ANKDD1A: variants seen among roughly 807,000 people sequenced by gnomAD.
The protein encoded by ANKDD1A is ankyrin repeat and death domain containing 1A.
Under a neutral mutation model 63.5 loss-of-function variants are expected in ANKDD1A, and 59 were observed. The observed-to-expected ratio is 0.93, with a 90% CI of 0.75 to 1.15. The LOEUF is 1.15. ANKDD1A is among the 50% of genes most tolerant of loss of function. ANKDD1A has a pLI of 0.00. For synonymous variants in ANKDD1A, 266 were observed against 263.9 expected (o/e 1.01, Z -0.08); for missense variants, 632 against 656.4 (o/e 0.96, Z 0.41).
rs1333562192 is a variant in ANKDD1A at position 64,957,744 on chromosome 15, G to C, written c.*556G>C. 1 of 152,090 alleles carries C rather than the reference G, an allele frequency of 6.6e-6. No homozygotes were observed. Among genetic ancestry groups the C allele is most frequent in the African/African-American group, 2.4e-5 (1 of 41,392 alleles). 9.4% of individuals were successfully genotyped at this position (152,090 alleles called of 1,614,324 possible). A position where few individuals can be genotyped will look rare whatever the true frequency, so the allele number is the denominator to read the frequency against. On this transcript the variant is annotated 3_prime_UTR_variant, in exon 15 of 15. Coordinates refer to ENST00000319580, the MANE Select transcript of ANKDD1A (RefSeq NM_182703.6). ...TATTTCTTTGGTACTACCATGTATT[G>C]TGTAACTTTTGGGAAAGTAAGGTGG...
chr15:64,947,256 G>C (rs1566914133), intron 12 of ANKDD1A, 148 bp from the exon 13 acceptor site: 2 of 710,298 alleles, frequency 2.8e-6, no homozygotes, highest in Admixed American at 5.9e-5. Flanking sequence ...AACCAGAAGA[G>C]AGGACATTAA....
chr15:64,952,596 TTCG>T (rs141112130), intron 14 of ANKDD1A, among the ~76,000 whole-genome samples: 74,385 of 143,798 alleles, frequency 0.52, 19,973 homozygotes, highest in East Asian at 0.84. Flanking sequence ...TTCTTCTTCC[TTCG>T]TCTTCTTCTT....
At chr15:64,944,054 C>A (rs1159702218) in intron 11 of ANKDD1A, among the ~76,000 whole-genome samples, 1 of 152,172 alleles carries the variant, frequency 6.6e-6, no homozygotes, top group Admixed American at 6.5e-5. Context: ...GGGAGGGGCA[C>A]CTGCACATGT....
intron 4 of ANKDD1A, among the ~76,000 whole-genome samples, chr15:64,924,874 C>G (rs2085034022): frequency 1.3e-5 from 2 of 152,124 alleles, no homozygotes; most frequent in Non-Finnish European, 2.9e-5. Context: ...GGGAAGAACA[C>G]AAGAGGGAAG....
At chr15:64,942,675 T>A in intron 10 of ANKDD1A, 110 bp downstream of exon 10, 2 of 402,842 alleles carry the variant, frequency 5.0e-6, no homozygotes, top group African/African-American at 2.3e-5. Flanking sequence ...GGAATCACTT[T>A]TTTTTTTTTT....
At chr15:64,913,721 G>C (rs192074461) in intron 1 of ANKDD1A, among the ~76,000 whole-genome samples, 2 of 152,152 alleles carry the variant, frequency 1.3e-5, no homozygotes, top group Non-Finnish European at 2.9e-5. Flanking sequence ...TGCATGGCAG[G>C]CCTGTCTCTC....
chr15:64,951,466 T>C lies in ANKDD1A; in HGVS notation c.1483+1494T>C, dbSNP rs569745109. 52 of 31,966 alleles carry C rather than the reference T, an allele frequency of 1.6e-3. 1 individual carries two copies. The Admixed American group carries it at 0.027, about 17-fold the overall frequency. The allele number at this position is 31,966 out of a possible 1,614,324, so 2.0% of individuals were successfully genotyped here. On this transcript the variant is annotated intron_variant, in intron 14 of 14. Coordinates refer to ENST00000319580, the MANE Select transcript of ANKDD1A (RefSeq NM_182703.6). ...TTCTTCCCTTTCTTTTCTTTTCTCT[T>C]TTTTCTTTTCTTCTTCCTCTTCTTT...
In ANKDD1A at chr15:64,958,292, C is replaced by G. The variant is rs967404189; in HGVS notation, c.*1104C>G. On this transcript the variant is annotated 3_prime_UTR_variant, in exon 15 of 15. Transcript: ENST00000319580. ...AACCCATAGCATGTACAGCACAAAG[C>G]GTTTGCTCTAATGTGAGCTATGGAC... The G allele has an allele frequency of 6.6e-6, 1 of 152,116 alleles. No homozygotes were observed. The highest frequency in any genetic ancestry group is 1.5e-5 in the Non-Finnish European group (1 of 68,028). 9.4% of individuals were successfully genotyped at this position (152,116 alleles called of 1,614,324 possible). A position where few individuals can be genotyped will look rare whatever the true frequency, so the allele number is the denominator to read the frequency against.
At chr15:64,950,195 C>A (rs754634471) in intron 14 of ANKDD1A, 2 of 985,434 alleles carry the variant, frequency 2.0e-6, no homozygotes, top group Non-Finnish European at 2.4e-6. Context: ...CCAAACTGAA[C>A]CCTGTGACCT....
rs2140383929 is a variant in ANKDD1A at position 64,949,822 on chromosome 15, C to T, written c.1352-19C>T. ...ATTGGCTCCTTCTCCCTCTCTCTCT[C>T]CTCCCTCACTGTTCTCAGGCACCAG... On this transcript the variant is annotated intron_variant, in intron 13 of 14. Coordinates refer to ENST00000319580, the MANE Select transcript of ANKDD1A (RefSeq NM_182703.6). The T allele has an allele frequency of 6.3e-7, 1 of 1,598,368 alleles. No homozygotes were observed. The highest frequency in any genetic ancestry group is 8.5e-7 in the Non-Finnish European group (1 of 1,178,236).
At chr15:64,939,136 CT>C (rs2085160082) in intron 9 of ANKDD1A, among the ~76,000 whole-genome samples, 1 of 151,492 alleles carries the variant, frequency 6.6e-6, no homozygotes, top group African/African-American at 2.4e-5. Context: ...TAAATATATT[CT>C]AAAATAAAAG....
intron 14 of ANKDD1A, chr15:64,951,490 TTTCTTC>T (rs141281098): frequency 8.9e-6 from 1 of 112,640 alleles, no homozygotes; most frequent in Non-Finnish European, 1.8e-5. Context: ...TTCCTCTTCT[TTTCTTC>T]TTCTTCCTCT....
intron 12 of ANKDD1A, 135 bp from the exon 13 acceptor site, chr15:64,947,269 C>T (rs1168024561): frequency 5.0e-6 from 4 of 805,244 alleles, no homozygotes; most frequent in Non-Finnish European, 3.9e-6. Context: ...GACATTAAGC[C>T]CCTGGCCCTT....
At chr15:64,915,310 A>G (rs1239445642) in intron 1 of ANKDD1A, among the ~76,000 whole-genome samples, 1 of 152,204 alleles carries the variant, frequency 6.6e-6, no homozygotes, top group Non-Finnish European at 1.5e-5. Flanking sequence ...GAAGGGGTGG[A>G]GGAACAAGGA....
intron 6 of ANKDD1A, among the ~76,000 whole-genome samples, chr15:64,929,440 A>T (rs2085071555): frequency 6.6e-6 from 1 of 152,180 alleles, no homozygotes; most frequent in Non-Finnish European, 1.5e-5. Flanking sequence ...AAGTGCTGGG[A>T]TTACAGGTGT....
chr15:64,950,966 A>G, intron 14 of ANKDD1A: 1 of 1,271,596 alleles, frequency 7.9e-7, no homozygotes, highest in Non-Finnish European at 1.0e-6. Context: ...AATATCAGGA[A>G]GAAAGCAAAC....
chr15:64,950,830 A>C, intron 14 of ANKDD1A: 3 of 1,064,744 alleles, frequency 2.8e-6, no homozygotes, highest in Non-Finnish European at 2.3e-6. Flanking sequence ...TCTTTCCCCA[A>C]AATGTTCTTA....
At chr15:64,921,859 C>T in intron 3 of ANKDD1A, 62 bp from the exon 4 acceptor site, 1 of 1,454,246 alleles carries the variant, frequency 6.9e-7, no homozygotes, top group Non-Finnish European at 9.6e-7. Flanking sequence ...AGGCACAGGG[C>T]CTGGCTGGCA....
chr15:64,916,865 C>T (rs892590369), intron 2 of ANKDD1A, among the ~76,000 whole-genome samples: 5 of 152,072 alleles, frequency 3.3e-5, no homozygotes, highest in East Asian at 3.9e-4. Flanking sequence ...ATTTGGATAA[C>T]GTTATGAACT....
Sources: allele counts gnomAD v4.1 joint callset (sites outside exome capture counted in the v4.1 genomes callset), GRCh38; gene constraint gnomAD v4.1.1; transcripts MANE v1.5; gene names NCBI Gene and HGNC (gene_info 2026-07-23, HGNC 2026-07-21).